The following ALG2 variants were observed in gnomAD, a reference collection of about 807,000 sequenced individuals.
ALG2 encodes alpha-1,3/1,6-mannosyltransferase ALG2.
In ALG2, 32 loss-of-function variants were observed where a neutral mutation model predicts 30.5. That is an observed-to-expected ratio of 1.05 (90% CI 0.79 to 1.41). The LOEUF (loss-of-function observed/expected upper bound fraction) is 1.41, where lower values mean the gene tolerates loss of function less well. Ranked by LOEUF, ALG2 falls within the 40% of genes most tolerant of loss-of-function variation. ALG2 has a pLI of 0.00. For synonymous variants in ALG2, 253 were observed against 224.8 expected, an observed-to-expected ratio of 1.13 and a Z score of -1.12; for missense variants, 574 against 526.4, an observed-to-expected ratio of 1.09 and a Z score of -0.88.
rs1256199064 is a variant in ALG2, at chr9:99,221,568, G to C, written c.327C>G (p.Phe109Leu). 1 of 1,544,272 alleles carries C rather than the reference G, an allele frequency of 6.5e-7. No individual in the cohort carries two copies. The highest frequency in any genetic ancestry group is 2.0e-5 in the Admixed American group (1 of 50,942). Residue 109 changes from phenylalanine (F) to leucine (L), a missense_variant, in exon 1 of 2, where the codon TTC becomes TTG. By Grantham distance (22) the Phe-to-Leu change is conservative. Coordinates refer to ENST00000476832, the MANE Select transcript of ALG2 (RefSeq NM_033087.4). ...TCACCTGGTCGCACACTACCACGTC[G>C]AACTCCTCGTCGGCGAGGAACAGCA... is the stretch of plus-strand genomic sequence containing the variant. ...LYVLFLADEE[F>L]DVVVCDQVSA...
rs1828707958 is a variant in ALG2, at chr9:99,217,188, C to T, written c.*746G>A. 2.2e-6 allele frequency: 1 copy of T among 454,062 alleles called. No homozygotes were observed. Among genetic ancestry groups the T allele is most frequent in the Admixed American group, 2.3e-5 (1 of 42,568 alleles). The allele number at this position is 454,062 out of a possible 1,614,324, so 28.1% of individuals were successfully genotyped here. Reference sequence around the variant, plus strand: ...CACAAATATTAACAAAACTAATGACCTAGATGACATTAAGAAATATACCCT... The same window carrying T: ...CACAAATATTAACAAAACTAATGACTTAGATGACATTAAGAAATATACCCT... On this transcript the variant is annotated 3_prime_UTR_variant, in exon 2 of 2. Coordinates refer to ENST00000476832, the MANE Select transcript of ALG2 (RefSeq NM_033087.4).
At chr9:99,219,784 C>T (rs578093272) in intron 1 of ALG2, among the ~76,000 whole-genome samples, 1 of 152,326 alleles carries the variant, frequency 6.6e-6, no homozygotes. Flanking sequence ...GCAGTAGATA[C>T]GGAACTTGAA....
At chr9:99,220,213 TA>T (rs966955339) in intron 1 of ALG2, among the ~76,000 whole-genome samples, 3 of 151,986 alleles carry the variant, frequency 2.0e-5, no homozygotes, top group Admixed American at 1.3e-4. Context: ...AAAAATATTT[TA>T]AAAAAAAGAA....
Position 99,221,684 on chromosome 9 carries a change from C to G in ALG2, c.211G>C (p.Ala71Pro). ...AGGCCTCGCGGCAGCCAGTCCCCGG[C>G]ACAGCGCACCGGTAGCTCGCGGCTC... The part of the protein sequence containing the change: ...AESRELPVRC[A>P]GDWLPRGLGW... Residue 71 changes from alanine to proline, a missense_variant, in exon 1 of 2, where the codon GCC becomes CCC. By Grantham distance (27) the Ala-to-Pro change is conservative. Coordinates refer to ENST00000476832, the MANE Select transcript of ALG2 (RefSeq NM_033087.4). 1 of 1,570,756 alleles carries G rather than the reference C, an allele frequency of 6.4e-7. No homozygotes were observed. The highest frequency in any genetic ancestry group is 1.8e-5 in the Admixed American group (1 of 55,766).
intron 1 of ALG2, 61 bp from the exon 2 acceptor site, chr9:99,218,897 AAC>A (rs753792570): frequency 6.8e-4 from 1,071 of 1,580,002 alleles, no homozygotes; most frequent in Non-Finnish European, 8.8e-4. Flanking sequence ...CCAAACCAAA[AAC>A]ACAGACACCC....
At position 99,217,512 on chromosome 9, in the gene ALG2, T is replaced by C. The variant is rs142781699; in HGVS notation, c.*422A>G. On this transcript the variant is annotated 3_prime_UTR_variant, in exon 2 of 2. Transcript: ENST00000476832. ...AGATGACAGTGAACACTTCGGTGGA[T>C]TGAATCTGGGAACTACAATAGCCCT... The C allele has an allele frequency of 1.2e-3, 530 of 455,366 alleles. 1 individual carries two copies. Among genetic ancestry groups the C allele is most frequent in the Non-Finnish European group, 2.1e-3 (467 of 227,426 alleles). 28.2% of individuals were successfully genotyped at this position (455,366 alleles called of 1,614,324 possible). A position where few individuals can be genotyped will look rare whatever the true frequency, so the allele number is the denominator to read the frequency against.
rs1828741788 is a variant in ALG2, at chr9:99,218,688, G to A, written c.497C>T (p.Thr166Ile). ...TAAGATGCAGTCTGCCATGCCTGTG[G>A]TGTATTCCTCTATCCAGTCAATTGG... is the stretch of plus-strand genomic sequence containing the variant. ...RAPIDWIEEY[T>I]TGMADCILVN... The change falls in exon 2 of 2, where the codon ACC (threonine) becomes ATC (isoleucine). Residue 166 changes from threonine to isoleucine, a missense_variant. By Grantham distance (89) the Thr-to-Ile change is moderately conservative (BLOSUM62 -1). Transcript: ENST00000476832. 6.2e-7 allele frequency: 1 copy of A among 1,614,042 alleles called. No homozygotes were observed. The highest frequency in any genetic ancestry group is 1.7e-5 in the Admixed American group (1 of 60,002).
intron 1 of ALG2, chr9:99,220,972 T>C (rs1828787483): frequency 7.4e-7 from 1 of 1,352,120 alleles, no homozygotes; most frequent in African/African-American, 1.5e-5. Flanking sequence ...AGGTGGACAT[T>C]ATTTACCAAG....
At position 99,217,902 on chromosome 9, in the gene ALG2, T is replaced by G; in HGVS notation, c.*32A>C. 136 of 1,607,808 alleles carry G rather than the reference T, an allele frequency of 8.5e-5. No homozygotes were observed. The highest frequency in any genetic ancestry group is 1.1e-4 in the Non-Finnish European group (127 of 1,174,290). On this transcript the variant is annotated 3_prime_UTR_variant, in exon 2 of 2. Transcript: ENST00000476832. Reference sequence around the variant, plus strand: ...AAACTGGGTCTACAATCCATAAAAATGACATTAATGGAGATCTTAAAAACA... The same window carrying G: ...AAACTGGGTCTACAATCCATAAAAAGGACATTAATGGAGATCTTAAAAACA...
chr9:99,221,698 A>T lies in ALG2; in HGVS notation c.197T>A (p.Leu66Gln), dbSNP rs1317990538. 6.3e-7 allele frequency: 1 copy of T among 1,584,784 alleles called. No homozygotes were observed. The highest frequency in any genetic ancestry group is 8.5e-7 in the Non-Finnish European group (1 of 1,172,142). ...CCAGTCCCCGGCACAGCGCACCGGT[A>T]GCTCGCGGCTCTCGGCGAAACAGTG... ...PGHCFAESRE[L>Q]PVRCAGDWLP... is the part of the protein sequence containing the mutation. Residue 66 changes from leucine (L) to glutamine (Q), a missense_variant, in exon 1 of 2, where the codon CTA (leucine) becomes CAA (glutamine). Physicochemically the swap from Leu to Gln is moderately radical, Grantham distance 113. Coordinates refer to ENST00000476832, the MANE Select transcript of ALG2 (RefSeq NM_033087.4).
In ALG2 at chr9:99,217,305, T is replaced by C. The variant is rs549565826; in HGVS notation, c.*629A>G. The C allele has an allele frequency of 2.0e-5, 9 of 454,164 alleles. No individual in the cohort carries two copies. Among genetic ancestry groups the C allele is most frequent in the African/African-American group, 4.0e-5 (2 of 50,138 alleles). 28.1% of individuals were successfully genotyped at this position (454,164 alleles called of 1,614,324 possible). A position where few individuals can be genotyped will look rare whatever the true frequency, so the allele number is the denominator to read the frequency against. ...GTTCTGATTTCCAGTTTGGTTGTCA[T>C]ATCCATGTTCGTAACAATACCAAAA... On this transcript the variant is annotated 3_prime_UTR_variant, in exon 2 of 2. Coordinates refer to ENST00000476832, the MANE Select transcript of ALG2 (RefSeq NM_033087.4).
rs766463570 is a variant in ALG2 at position 99,220,979 on chromosome 9, C to T, written c.348+568G>A. ...GCAGATCCAGGTGGACATTATTTAC[C>T]AAGGTAAAAAGCTTGAACTTTTCTC... On this transcript the variant is annotated intron_variant, in intron 1 of 1. Coordinates refer to ENST00000476832, the MANE Select transcript of ALG2 (RefSeq NM_033087.4). The T allele has an allele frequency of 1.6e-5, 22 of 1,352,008 alleles. No individual in the cohort carries two copies. In the Middle Eastern group the frequency reaches 2.7e-3, roughly 167 times the overall value. 83.8% of individuals were successfully genotyped at this position (1,352,008 alleles called of 1,614,324 possible). A position where few individuals can be genotyped will look rare whatever the true frequency, so the allele number is the denominator to read the frequency against.
chr9:99,220,890 T>C (rs1365236992), intron 1 of ALG2: 3 of 1,263,302 alleles, frequency 2.4e-6, no homozygotes, highest in Non-Finnish European at 3.1e-6. Context: ...ATGTTACTTT[T>C]TAAAGTCATC....
At chr9:99,221,430 G>A in intron 1 of ALG2, 117 bp downstream of exon 1, 1 of 1,213,538 alleles carries the variant, frequency 8.2e-7, no homozygotes. Context: ...ACTTCTCCAT[G>A]TCAGTTCCGA....
At chr9:99,221,163 C>A (rs776518484) in intron 1 of ALG2, 2 of 1,371,348 alleles carry the variant, frequency 1.5e-6, no homozygotes, top group Non-Finnish European at 9.6e-7. Flanking sequence ...ACAAAAATAA[C>A]AGGTAAGCGG....
chr9:99,218,847 C>CA lies in ALG2; in HGVS notation c.349-12dup. 1 of 1,601,192 alleles carries CA rather than the reference C, an allele frequency of 6.2e-7. No homozygotes were observed. Among genetic ancestry groups the CA allele is most frequent in the Non-Finnish European group, 8.5e-7 (1 of 1,179,878 alleles). ...GATACAGGCAGACACCTAGCCAAAG[C>CA]AAAAATCAACAGCGGATAAAGTGGT... On this transcript the variant is annotated splice_polypyrimidine_tract_variant and intron_variant, in intron 1 of 1. Transcript: ENST00000476832.
At chr9:99,221,064 C>T (rs371066452) in intron 1 of ALG2, 2 of 1,356,046 alleles carry the variant, frequency 1.5e-6, no homozygotes, top group African/African-American at 1.5e-5. Context: ...TTCAGCTTGG[C>T]GTTTTTAACA....
At position 99,218,210 on chromosome 9, in the gene ALG2, C is replaced by A; in HGVS notation, c.975G>T (p.Glu325Asp). 6.2e-7 allele frequency: 1 copy of A among 1,614,228 alleles called. No homozygotes were observed. The highest frequency in any genetic ancestry group is 8.5e-7 in the Non-Finnish European group (1 of 1,180,028). Residue 325 changes from glutamate to aspartate, a missense_variant, in exon 2 of 2, where the codon GAG becomes GAT. Coordinates refer to ENST00000476832, the MANE Select transcript of ALG2 (RefSeq NM_033087.4). ...CTCVLYTPSN[E>D]HFGIVPLEAM... ...CTTCCAGAGGGACAATGCCAAAGTG[C>A]TCATTGCTTGGTGTGTAAAGCACAC...
intron 1 of ALG2, chr9:99,221,287 T>TA: frequency 9.9e-7 from 1 of 1,010,008 alleles, no homozygotes; most frequent in Non-Finnish European, 1.4e-6. Context: ...ATGACCCAGT[T>TA]AAAATGCAGA....
Sources: allele counts gnomAD v4.1 joint callset (sites outside exome capture counted in the v4.1 genomes callset), GRCh38; gene constraint gnomAD v4.1.1; transcripts MANE v1.5; gene names NCBI Gene and HGNC (gene_info 2026-07-23, HGNC 2026-07-21).